The following ADAMTSL1 variants were observed in gnomAD, a reference collection of about 807,000 sequenced individuals.
ADAMTSL1 encodes the protein ADAMTS-like protein 1.
A neutral mutation model predicts 201.8 loss-of-function variants in ADAMTSL1; 126 were observed. That is an observed-to-expected ratio of 0.62 (90% CI 0.54 to 0.72). The LOEUF is 0.72. ADAMTSL1 is among the 30% of genes least tolerant of loss of function. The pLI is 0.00. For synonymous variants in ADAMTSL1, 1,121 were observed against 903.4 expected (o/e 1.24, Z -4.32); for missense variants, 2,679 against 2,277.8 (o/e 1.18, Z -3.59).
At chr9:18,597,295 A>G (rs988993832) in intron 4 of ADAMTSL1, among the ~76,000 whole-genome samples, 1 of 152,338 alleles carries the variant, frequency 6.6e-6, no homozygotes, top group Admixed American at 6.5e-5. Context: ...ATTTTGCTGT[A>G]TTCTAGGCTA....
intron 2 of ADAMTSL1, among the ~76,000 whole-genome samples, chr9:18,388,468 CT>C (rs2133211362): frequency 6.6e-6 from 1 of 152,074 alleles, no homozygotes; most frequent in African/African-American, 2.4e-5. Flanking sequence ...GAGACAATGT[CT>C]CACCATGTTG....
At chr9:17,958,068 T>C (rs1204458298) in intron 1 of ADAMTSL1, among the ~76,000 whole-genome samples, 1 of 152,194 alleles carries the variant, frequency 6.6e-6, no homozygotes, top group Admixed American at 6.5e-5. Flanking sequence ...CTTACTTTTC[T>C]CCACATGCTT....
At chr9:18,547,385 T>G (rs1820529672) in intron 3 of ADAMTSL1, among the ~76,000 whole-genome samples, 1 of 151,826 alleles carries the variant, frequency 6.6e-6, no homozygotes, top group Non-Finnish European at 1.5e-5. Flanking sequence ...ATAGCCAGGT[T>G]CAAAAGCAAG....
chr9:17,940,104 A>T (rs1827176765), intron 1 of ADAMTSL1, among the ~76,000 whole-genome samples: 2 of 152,170 alleles, frequency 1.3e-5, no homozygotes, highest in Admixed American at 1.3e-4. Flanking sequence ...AGACATAGTC[A>T]GGTGGTAGGT....
chr9:18,142,010 A>G (rs1013520868), intron 1 of ADAMTSL1, among the ~76,000 whole-genome samples: 1 of 152,204 alleles, frequency 6.6e-6, no homozygotes, highest in Non-Finnish European at 1.5e-5. Flanking sequence ...GGATGGCCCA[A>G]TATGTAGTAG....
At chr9:17,991,134 C>G (rs1248028321) in intron 1 of ADAMTSL1, among the ~76,000 whole-genome samples, 2 of 152,064 alleles carry the variant, frequency 1.3e-5, no homozygotes, top group African/African-American at 2.4e-5. Flanking sequence ...AAACGCTGTA[C>G]TGGGAATTAG....
chr9:18,477,862 A>G (rs995915503), intron 1 of ADAMTSL1, among the ~76,000 whole-genome samples: 1 of 152,150 alleles, frequency 6.6e-6, no homozygotes, highest in Non-Finnish European at 1.5e-5. Flanking sequence ...ACATAACACC[A>G]TTTCTGTTGC....
intron 1 of ADAMTSL1, among the ~76,000 whole-genome samples, chr9:18,000,593 T>G (rs963759997): frequency 6.6e-6 from 1 of 152,080 alleles, no homozygotes; most frequent in African/African-American, 2.4e-5. Flanking sequence ...GACTTTTAAC[T>G]TGGGAAAAAC....
intron 1 of ADAMTSL1, among the ~76,000 whole-genome samples, chr9:18,073,695 G>A (rs1446475048): frequency 6.6e-6 from 1 of 152,212 alleles, no homozygotes; most frequent in Admixed American, 6.5e-5. Flanking sequence ...CCTTGGAACT[G>A]TTTTAAGATA....
intron 4 of ADAMTSL1, among the ~76,000 whole-genome samples, chr9:18,582,867 TAAAATAAAATAAAATAAAATA>T (rs1453767315): frequency 3.7e-4 from 53 of 144,328 alleles, no homozygotes; most frequent in African/African-American, 1.3e-3. Flanking sequence ...ATAAAATAAA[TAAAATAAAATAAAATAAAATA>T]AAAATAAAAT....
At chr9:18,273,825 G>A (rs913957497) in intron 2 of ADAMTSL1, among the ~76,000 whole-genome samples, 1 of 152,154 alleles carries the variant, frequency 6.6e-6, no homozygotes, top group African/African-American at 2.4e-5. Context: ...CTAATTCTGA[G>A]TGATCAGTCT....
At chr9:18,473,124 A>G (rs913937831), upstream of ADAMTSL1, among the ~76,000 whole-genome samples, 1 of 152,150 alleles carries the variant, frequency 6.6e-6, no homozygotes, top group Non-Finnish European at 1.5e-5. Flanking sequence ...GCAATAGTGG[A>G]TGGAAAAATG....
At chr9:18,587,931 C>T (rs1823619823) in intron 4 of ADAMTSL1, among the ~76,000 whole-genome samples, 1 of 152,188 alleles carries the variant, frequency 6.6e-6, no homozygotes, top group African/African-American at 2.4e-5. Context: ...CTGGAATAAA[C>T]ATGGGAATGC....
At chr9:17,981,900 G>A (rs1290546209) in intron 1 of ADAMTSL1, among the ~76,000 whole-genome samples, 3 of 152,112 alleles carry the variant, frequency 2.0e-5, no homozygotes, top group Admixed American at 6.6e-5. Context: ...CCTATTTAGA[G>A]TATAAGACTC....
chr9:18,078,004 G>A (rs114326207), intron 1 of ADAMTSL1, among the ~76,000 whole-genome samples: 1 of 152,176 alleles, frequency 6.6e-6, no homozygotes, highest in African/African-American at 2.4e-5. Context: ...CAAGGACAGG[G>A]TGGGAAGGGA....
At chr9:18,086,448 A>G (rs1823774418) in intron 1 of ADAMTSL1, among the ~76,000 whole-genome samples, 1 of 152,190 alleles carries the variant, frequency 6.6e-6, no homozygotes. Flanking sequence ...CAATTTCTTT[A>G]AGAGCCATCA....
chr9:18,448,201 A>G (rs189619322), intron 2 of ADAMTSL1, among the ~76,000 whole-genome samples: 13 of 152,318 alleles, frequency 8.5e-5, no homozygotes, highest in Admixed American at 7.2e-4. Context: ...GATTTTGTTG[A>G]GCTGCTCAGG....
At chr9:18,429,745 T>C (rs1819398619) in intron 2 of ADAMTSL1, among the ~76,000 whole-genome samples, 1 of 152,166 alleles carries the variant, frequency 6.6e-6, no homozygotes, top group Non-Finnish European at 1.5e-5. Context: ...TTTTATTCCA[T>C]TTAAATTCTC....
intron 2 of ADAMTSL1, among the ~76,000 whole-genome samples, chr9:18,175,954 A>G (rs1193550562): frequency 7.0e-6 from 1 of 143,300 alleles, no homozygotes; most frequent in Non-Finnish European, 1.5e-5. Context: ...AGAAGAAGGT[A>G]TATTGAGATT....
Sources: allele counts gnomAD v4.1 joint callset (sites outside exome capture counted in the v4.1 genomes callset), GRCh38; gene constraint gnomAD v4.1.1; transcripts MANE v1.5; gene names NCBI Gene and HGNC (gene_info 2026-07-23, HGNC 2026-07-21).